The following CSMD1 variants were observed in gnomAD, a reference collection of about 807,000 sequenced individuals.
The protein encoded by CSMD1 is CUB and sushi domain-containing protein 1.
Under a neutral mutation model 417.5 loss-of-function variants are expected in CSMD1, and 213 were observed. The ratio of observed to expected loss-of-function variants is 0.51; its 90% CI spans 0.46 to 0.57. The LOEUF is 0.57. Ranked by LOEUF, CSMD1 falls within the 20% of genes least tolerant of loss-of-function variation. The pLI, the probability that CSMD1 is intolerant of heterozygous loss-of-function variation, is 0.00. For missense variants in CSMD1, 6,923 were observed against 4,529.7 expected (o/e 1.53, Z -15.17); for synonymous variants, 2,862 against 1,736.8 (o/e 1.65, Z -16.11).
At chr8:3,509,722 T>G (rs1311391677) in intron 10 of CSMD1, among the ~76,000 whole-genome samples, 4 of 152,060 alleles carry the variant, frequency 2.6e-5, no homozygotes, top group African/African-American at 9.7e-5. Context: ...TTCCTATTAA[T>G]TAACAGAATA....
At chr8:4,406,967 A>G (rs1805068630) in intron 3 of CSMD1, among the ~76,000 whole-genome samples, 1 of 152,188 alleles carries the variant, frequency 6.6e-6, no homozygotes, top group Non-Finnish European at 1.5e-5. Flanking sequence ...TTGTTTCCTA[A>G]ACGAGGAAAA....
At chr8:2,951,975 C>T (rs653808) in intron 65 of CSMD1, among the ~76,000 whole-genome samples, 1 of 152,050 alleles carries the variant, frequency 6.6e-6, no homozygotes, top group Non-Finnish European at 1.5e-5. Flanking sequence ...TTTTAAAGCA[C>T]AGAATCCATC....
intron 3 of CSMD1, among the ~76,000 whole-genome samples, chr8:4,158,025 C>G (rs1563200841): frequency 6.6e-6 from 1 of 152,032 alleles, no homozygotes; most frequent in Admixed American, 6.5e-5. Context: ...ATACACGGAA[C>G]CAATGCCTGC....
chr8:4,966,209 C>CAAAAAAAAAAAAAAAA (rs33941630), intron 1 of CSMD1, among the ~76,000 whole-genome samples: 3 of 89,128 alleles, frequency 3.4e-5, no homozygotes, highest in African/African-American at 1.2e-4. Context: ...ACTAAATATA[C>CAAAAAAAAAAAAAAAA]AAAAAAAAAA....
At chr8:4,059,293 C>A (rs949335088) in intron 3 of CSMD1, among the ~76,000 whole-genome samples, 1 of 149,820 alleles carries the variant, frequency 6.7e-6, no homozygotes, top group Admixed American at 6.7e-5. Flanking sequence ...ATTCAAAACA[C>A]TGTGTAGAGT....
chr8:3,903,362 C>G (rs1807892339), intron 5 of CSMD1, among the ~76,000 whole-genome samples: 1 of 151,798 alleles, frequency 6.6e-6, no homozygotes, highest in Non-Finnish European at 1.5e-5. Context: ...CTACAGGGTT[C>G]AACAAAACAA....
At chr8:3,771,400 G>T (rs1798566317) in intron 5 of CSMD1, among the ~76,000 whole-genome samples, 1 of 152,164 alleles carries the variant, frequency 6.6e-6, no homozygotes, top group African/African-American at 2.4e-5. Flanking sequence ...ACAAAGGAGA[G>T]ATTTCATTCA....
intron 8 of CSMD1, among the ~76,000 whole-genome samples, 197 bp from the exon 9 acceptor site, chr8:3,586,457 T>C (rs1243285295): frequency 2.0e-5 from 3 of 152,124 alleles, no homozygotes; most frequent in Admixed American, 2.0e-4. Flanking sequence ...AAGACTTGGG[T>C]TCAGATTCCT....
intron 3 of CSMD1, among the ~76,000 whole-genome samples, chr8:4,391,441 T>C (rs67198077): frequency 0.15 from 22,658 of 151,998 alleles, 1,677 homozygotes; most frequent in Middle Eastern, 0.25. Context: ...AGAAGGAACA[T>C]AAACAGCTAA....
At chr8:3,256,716 T>G (rs1470129002) in intron 26 of CSMD1, among the ~76,000 whole-genome samples, 1 of 152,204 alleles carries the variant, frequency 6.6e-6, no homozygotes, top group Non-Finnish European at 1.5e-5. Context: ...ACCCAGAAAG[T>G]CCACCTTTGA....
chr8:4,504,099 G>A (rs1487047482), intron 2 of CSMD1, among the ~76,000 whole-genome samples: 1 of 152,100 alleles, frequency 6.6e-6, no homozygotes, highest in Admixed American at 6.6e-5. Flanking sequence ...ACTGATTGAT[G>A]GATAAAGAAA....
At chr8:3,041,784 G>A (rs1003263020) in intron 50 of CSMD1, among the ~76,000 whole-genome samples, 6 of 149,672 alleles carry the variant, frequency 4.0e-5, no homozygotes, top group Non-Finnish European at 1.5e-5. Context: ...GTTTTTGCCA[G>A]CCTGTCACAG....
At chr8:4,530,579 G>A (rs1585209648) in intron 2 of CSMD1, among the ~76,000 whole-genome samples, 1 of 151,066 alleles carries the variant, frequency 6.6e-6, no homozygotes, top group African/African-American at 2.4e-5. Context: ...CCACTTATGA[G>A]TGAGGAACAT....
chr8:4,241,110 T>C (rs563764502), intron 3 of CSMD1, among the ~76,000 whole-genome samples: 3 of 152,278 alleles, frequency 2.0e-5, no homozygotes, highest in South Asian at 2.1e-4. Flanking sequence ...CCTCTAAACC[T>C]GTGTTTCAAT....
chr8:3,132,921 C>T (rs904961109), intron 41 of CSMD1, among the ~76,000 whole-genome samples: 3 of 152,190 alleles, frequency 2.0e-5, no homozygotes, highest in Non-Finnish European at 4.4e-5. Context: ...CAGGAAATAT[C>T]TAAGTGGGAA....
intron 49 of CSMD1, among the ~76,000 whole-genome samples, chr8:3,060,821 TA>T (rs1442973439): frequency 6.6e-6 from 1 of 152,156 alleles, no homozygotes; most frequent in Non-Finnish European, 1.5e-5. Context: ...GGTGTCCCTA[TA>T]AAAGGGCTTT....
intron 5 of CSMD1, among the ~76,000 whole-genome samples, chr8:3,955,547 T>C (rs1257533379): frequency 6.6e-6 from 1 of 152,162 alleles, no homozygotes; most frequent in Admixed American, 6.5e-5. Context: ...GGATTTGGCG[T>C]CTGAAAAAAT....
At chr8:3,530,822 C>A (rs552227960) in intron 10 of CSMD1, among the ~76,000 whole-genome samples, 1 of 151,582 alleles carries the variant, frequency 6.6e-6, no homozygotes, top group Admixed American at 6.6e-5. Context: ...AGCCACCATG[C>A]CTGCCCTGCT....
At chr8:3,341,176 GCAAGCCTT>G (rs1807618371) in intron 23 of CSMD1, among the ~76,000 whole-genome samples, 1 of 152,196 alleles carries the variant, frequency 6.6e-6, no homozygotes, top group African/African-American at 2.4e-5. Flanking sequence ...GCCCACTGAC[GCAAGCCTT>G]CTGGGTGAGG....
Sources: allele counts gnomAD v4.1 joint callset (sites outside exome capture counted in the v4.1 genomes callset), GRCh38; gene constraint gnomAD v4.1.1; transcripts MANE v1.5; gene names NCBI Gene and HGNC (gene_info 2026-07-23, HGNC 2026-07-21).